Variants in MTOR observed in about 807,000 individuals in gnomAD.
MTOR encodes mechanistic target of rapamycin kinase.
A neutral mutation model predicts 319.8 loss-of-function variants in MTOR; 70 were observed. That is an observed-to-expected ratio of 0.22 (90% CI 0.18 to 0.27). The LOEUF (loss-of-function observed/expected upper bound fraction) is 0.27. MTOR is among the 10% of genes least tolerant of loss of function. The pLI is 1.00. For missense variants in MTOR, 1,890 were observed against 3,274.4 expected (o/e 0.58, Z 10.32); for synonymous variants, 1,183 against 1,211.4 (o/e 0.98, Z 0.49).
intron 26 of MTOR, among the ~76,000 whole-genome samples, chr1:11,204,101 C>T (rs1373727951): frequency 6.6e-6 from 1 of 152,218 alleles, no homozygotes; most frequent in African/African-American, 2.4e-5. Context: ...CTCCATCCTG[C>T]CCCAGTCAAA....
intron 29 of MTOR, among the ~76,000 whole-genome samples, chr1:11,164,443 ACC>A (rs1644578677): frequency 6.6e-6 from 1 of 152,082 alleles, no homozygotes; most frequent in Admixed American, 6.6e-5. Context: ...AATACAAACT[ACC>A]ATCAGAGAAT....
chr1:11,250,024 C>T (rs1363159646), intron 6 of MTOR, among the ~76,000 whole-genome samples: 1 of 144,386 alleles, frequency 6.9e-6, no homozygotes, highest in African/African-American at 2.6e-5. Context: ...ACCTCCCGGA[C>T]GGGGTGGCTG....
In MTOR at chr1:11,192,876, TTA is replaced by T. The variant is rs370650296; in HGVS notation, c.4253+6380_4253+6381del. On this transcript the variant is annotated intron_variant, in intron 28 of 57. Coordinates refer to ENST00000361445, the MANE Select transcript of MTOR (RefSeq NM_004958.4). The stretch of plus-strand genomic sequence containing the variant: ...GCATCTGTTTGGCCCCTTCAAATCA[TTA>T]TCAGTCAAACAACAAGCCTTCTAAC... Among the ~76,000 whole-genome samples the T allele has an allele frequency of 1.8e-3, 279 of 152,128 alleles. 3 individuals are homozygous for T. Among genetic ancestry groups the T allele is most frequent in the African/African-American group, 6.5e-3 (269 of 41,484 alleles).
At chr1:11,213,208 A>G (rs1445902194) in intron 21 of MTOR, among the ~76,000 whole-genome samples, 191 bp downstream of exon 21, 1 of 152,250 alleles carries the variant, frequency 6.6e-6, no homozygotes. Flanking sequence ...GATACAAAAC[A>G]TAAGGATAAT....
intron 28 of MTOR, among the ~76,000 whole-genome samples, chr1:11,179,571 A>G (rs1645083618): frequency 6.6e-6 from 1 of 152,220 alleles, no homozygotes; most frequent in Non-Finnish European, 1.5e-5. Context: ...CTCTTCTTAC[A>G]ATTCCTCGCT....
Position 11,127,931 on chromosome 1 carries a change from G to A in MTOR, c.6033+73C>T. 1 of 1,597,534 alleles carries A rather than the reference G, an allele frequency of 6.3e-7. No individual in the cohort carries two copies. The highest frequency in any genetic ancestry group is 8.5e-7 in the Non-Finnish European group (1 of 1,173,288). On this transcript the variant is annotated intron_variant, in intron 43 of 57. Transcript: ENST00000361445. This position sits in a 1 kb window ranked among gnomAD's most constrained non-coding sequence, Gnocchi z 5.5. Reference sequence around the variant, plus strand: ...AAGTGCACAGCACCAATGCGAGGAAGAAAAACAATCCCACTTGCGCCCACC... The same window carrying A: ...AAGTGCACAGCACCAATGCGAGGAAAAAAAACAATCCCACTTGCGCCCACC...
intron 13 of MTOR, among the ~76,000 whole-genome samples, chr1:11,235,926 G>A (rs1647201998): frequency 6.6e-6 from 1 of 151,660 alleles, no homozygotes; most frequent in Non-Finnish European, 1.5e-5. Flanking sequence ...AGGTTGCAGT[G>A]AGCCAAGATC....
rs1487988638 is a variant in MTOR at position 11,144,693 on chromosome 1, G to A, written c.4827C>T (p.Pro1609=). Reference sequence around the variant, plus strand: ...TCTGGCGGATGATCTCTCGTCGCTCGGGGACAAGTTTGTACTGGATAACCT... The same window carrying A: ...TCTGGCGGATGATCTCTCGTCGCTCAGGGACAAGTTTGTACTGGATAACCT... ...LEEVIQYKLV[P]ERREIIRQIW... The change falls in exon 34 of 58, where the codon CCC becomes CCT. Residue 1609 remains proline, a synonymous_variant. Transcript: ENST00000361445. The A allele has an allele frequency of 1.6e-5, 26 of 1,614,058 alleles. 1 individual carries two copies. The South Asian group carries it at 1.8e-4, about 11-fold the overall frequency.
At chr1:11,252,907 C>A (rs112105029) in intron 6 of MTOR, among the ~76,000 whole-genome samples, 10 of 152,312 alleles carry the variant, frequency 6.6e-5, no homozygotes, top group Non-Finnish European at 1.0e-4. Flanking sequence ...AGAATGCAAC[C>A]TCCAACTACA....
intron 11 of MTOR, 31 bp downstream of exon 11, chr1:11,240,272 T>C (rs747117385): frequency 1.3e-6 from 2 of 1,517,826 alleles, no homozygotes; most frequent in East Asian, 4.6e-5. Context: ...CATCTCTCAC[T>C]ATCTTGGCAA....
At chr1:11,137,518 T>C (rs1283188857) in intron 36 of MTOR, among the ~76,000 whole-genome samples, 3 of 152,224 alleles carry the variant, frequency 2.0e-5, no homozygotes, top group East Asian at 1.9e-4. Context: ...AAATTTTCTA[T>C]TTAAAATTTG....
chr1:11,205,732 C>A (rs765901158), intron 25 of MTOR, among the ~76,000 whole-genome samples: 1 of 152,228 alleles, frequency 6.6e-6, no homozygotes, highest in Non-Finnish European at 1.5e-5. Flanking sequence ...CAAAACAACA[C>A]CTATTTGAAC....
intron 23 of MTOR, among the ~76,000 whole-genome samples, chr1:11,211,709 T>C (rs1218621081): frequency 1.3e-5 from 2 of 152,174 alleles, no homozygotes; most frequent in Non-Finnish European, 2.9e-5. Flanking sequence ...ATGTAGACAC[T>C]GATACTGCTT....
chr1:11,131,960 T>C (rs1211694475), intron 38 of MTOR: 2 of 152,218 alleles, frequency 1.3e-5, no homozygotes, highest in African/African-American at 4.8e-5. Context: ...AGTTTTCCCA[T>C]ACCTTCATTT....
In MTOR at chr1:11,199,217, T is replaced by C; in HGVS notation, c.4253+41A>G. On this transcript the variant is annotated intron_variant, in intron 28 of 57. Transcript: ENST00000361445. This position sits in a 1 kb window ranked among gnomAD's most constrained non-coding sequence, Gnocchi z 4.5. The stretch of plus-strand genomic sequence containing the variant: ...CCAGGCAGTGGGAGAAGAGAGGTCA[T>C]TTTGCATGAAGGCAGCAATTAAAAA... The C allele has an allele frequency of 6.2e-7, 1 of 1,613,844 alleles. No homozygotes were observed. The highest frequency in any genetic ancestry group is 1.1e-5 in the South Asian group (1 of 91,066).
At chr1:11,258,675 G>T (rs1650736690) in intron 2 of MTOR, 82 bp from the exon 3 acceptor site, 1 of 987,940 alleles carries the variant, frequency 1.0e-6, no homozygotes, top group African/African-American at 1.6e-5. Context: ...CTAAAGATTA[G>T]ATCCTGAGAG....
At chr1:11,131,755 T>C (rs1461044156) in intron 38 of MTOR, 1 of 152,222 alleles carries the variant, frequency 6.6e-6, no homozygotes, top group Non-Finnish European at 1.5e-5. Flanking sequence ...CTTCCAGGCA[T>C]GGTAACTTTG....
chr1:11,243,078 T>C (rs779725338), intron 9 of MTOR, 36 bp downstream of exon 9: 1 of 1,608,948 alleles, frequency 6.2e-7, no homozygotes, highest in Non-Finnish European at 8.5e-7. Context: ...TCCAACCAAA[T>C]GGAGTGGAAG....
intron 3 of MTOR, 33 bp from the exon 4 acceptor site, chr1:11,257,198 G>A: frequency 1.9e-6 from 3 of 1,567,886 alleles, no homozygotes; most frequent in Non-Finnish European, 2.6e-6. Context: ...AGGTGATGAT[G>A]GGGCGTATGC....
Sources: allele counts gnomAD v4.1 joint callset (sites outside exome capture counted in the v4.1 genomes callset), GRCh38; gene constraint gnomAD v4.1.1; non-coding constraint Gnocchi (gnomAD v3.1); transcripts MANE v1.5; gene names NCBI Gene and HGNC (gene_info 2026-07-23, HGNC 2026-07-21).